The following COLEC11 variants were observed in gnomAD, a reference collection of about 807,000 sequenced individuals.
COLEC11 encodes collectin subfamily member 11, also known as collectin-11.
Under a neutral mutation model 27.3 loss-of-function variants are expected in COLEC11, and 20 were observed. That is an observed-to-expected ratio of 0.73 (90% CI 0.51 to 1.06). The LOEUF is 1.06. Among genes scored for constraint, COLEC11 ranks in the 50% least tolerant of loss-of-function variants. COLEC11 has a pLI of 0.00. For missense variants in COLEC11, 310 were observed against 383.0 expected (o/e 0.81, Z 1.59); for synonymous variants, 163 against 154.7 (o/e 1.05, Z -0.40).
intron 3 of COLEC11, among the ~76,000 whole-genome samples, chr2:3,634,836 C>A (rs1446267123): frequency 6.6e-6 from 1 of 151,904 alleles, no homozygotes; most frequent in East Asian, 2.0e-4. Context: ...GGGGGCCCTG[C>A]CCCTCCCTCT....
chr2:3,635,613 G>A (rs556565946), intron 3 of COLEC11, among the ~76,000 whole-genome samples: 1 of 152,280 alleles, frequency 6.6e-6, no homozygotes, highest in African/African-American at 2.4e-5. Flanking sequence ...CCGACTTACC[G>A]GCAAACCCTG....
At chr2:3,606,237 C>A in intron 2 of COLEC11, 1 of 1,550,398 alleles carries the variant, frequency 6.4e-7, no homozygotes, top group Non-Finnish European at 8.7e-7. Flanking sequence ...TCCCTGCGCC[C>A]TGCCAGGTCA....
chr2:3,641,109 A>G (rs1012995263), intron 5 of COLEC11: 8 of 541,090 alleles, frequency 1.5e-5, no homozygotes, highest in Admixed American at 2.4e-5. Context: ...CCCACGGTGG[A>G]CACCCACCCA....
intron 3 of COLEC11, among the ~76,000 whole-genome samples, chr2:3,636,536 C>T (rs1665429395): frequency 6.6e-6 from 1 of 152,200 alleles, no homozygotes; most frequent in South Asian, 2.1e-4. Context: ...TCATTTAGTT[C>T]CTGCAATGGT....
chr2:3,628,723 G>A (rs745695875), intron 3 of COLEC11, among the ~76,000 whole-genome samples: 2 of 152,248 alleles, frequency 1.3e-5, no homozygotes, highest in Non-Finnish European at 2.9e-5. Flanking sequence ...CACCGAGGAA[G>A]CTGAATTTCA....
intron 3 of COLEC11, among the ~76,000 whole-genome samples, chr2:3,615,214 A>G (rs543837587): frequency 1.1e-3 from 160 of 152,250 alleles, no homozygotes; most frequent in Non-Finnish European, 1.6e-3. Flanking sequence ...TCATAGGACA[A>G]CAGTGGAGGG....
chr2:3,610,198 C>T (rs1045228423), intron 2 of COLEC11, among the ~76,000 whole-genome samples: 8 of 152,224 alleles, frequency 5.3e-5, no homozygotes, highest in Non-Finnish European at 7.3e-5. Flanking sequence ...ACTTGATTCT[C>T]GTAGCTGTGT....
intron 3 of COLEC11, 35 bp downstream of exon 3, chr2:3,613,417 G>A: frequency 6.4e-7 from 1 of 1,559,676 alleles, no homozygotes; most frequent in Non-Finnish European, 8.7e-7. Flanking sequence ...TCAGAGCTCT[G>A]AGGATGGAGG....
chr2:3,604,383 G>C lies in COLEC11; in HGVS notation c.43G>C (p.Ala15Pro). The change falls in exon 2 of 7, where the codon GCC becomes CCC. Residue 15 changes from alanine to proline, a missense_variant. Coordinates refer to ENST00000349077, the MANE Select transcript of COLEC11 (RefSeq NM_024027.5). ...LALVGVLISLAFLSLLPSGHP... is the reference protein window; with the variant it reads ...LALVGVLISLPFLSLLPSGHP... ...CCTGGTGGGCGTTCTAATCAGCCTG[G>C]CCTTCCTGTCACTGCTGCCATCTGG... The C allele has an allele frequency of 6.2e-7, 1 of 1,614,198 alleles. No individual in the cohort carries two copies. The highest frequency in any genetic ancestry group is 1.3e-5 in the African/African-American group (1 of 75,048).
Position 3,595,148 on chromosome 2 carries a change from G to T in COLEC11, c.-47G>T. On this transcript the variant is annotated 5_prime_UTR_variant, in exon 1 of 7. Coordinates refer to ENST00000349077, the MANE Select transcript of COLEC11 (RefSeq NM_024027.5). ...GGGCCAGCGACGGGCAGGACGCCCC[G>T]TTCGCCTAGCGCGTGCTCAGGTAGG... The T allele has an allele frequency of 2.9e-6, 1 of 350,846 alleles. No homozygotes were observed. The highest frequency in any genetic ancestry group is 5.8e-6 in the Non-Finnish European group (1 of 173,800). 21.7% of individuals were successfully genotyped at this position (350,846 alleles called of 1,614,324 possible). A position where few individuals can be genotyped will look rare whatever the true frequency, so the allele number is the denominator to read the frequency against.
intron 2 of COLEC11, among the ~76,000 whole-genome samples, chr2:3,605,272 G>T (rs1320682757): frequency 6.6e-6 from 1 of 151,494 alleles, no homozygotes; most frequent in South Asian, 2.1e-4. Flanking sequence ...AGTCCAGGCC[G>T]CCGCTGAGGG....
intron 2 of COLEC11, 97 bp downstream of exon 2, chr2:3,604,567 C>T (rs1662489387): frequency 7.2e-7 from 1 of 1,394,116 alleles, no homozygotes; most frequent in African/African-American, 1.4e-5. Flanking sequence ...AAGCACAAAG[C>T]CCCAGCAAAT....
intron 2 of COLEC11, among the ~76,000 whole-genome samples, chr2:3,606,797 G>A (rs1210769520): frequency 6.6e-6 from 1 of 152,234 alleles, no homozygotes; most frequent in Non-Finnish European, 1.5e-5. Flanking sequence ...AGAAAATGGT[G>A]TGTGCCAGCA....
intron 3 of COLEC11, among the ~76,000 whole-genome samples, chr2:3,627,626 G>A (rs377318534): frequency 2.7e-5 from 4 of 148,890 alleles, no homozygotes; most frequent in East Asian, 4.0e-4. Flanking sequence ...GATGGGACAC[G>A]ATGATGGGGT....
At chr2:3,626,326 G>C (rs1459678925) in intron 3 of COLEC11, among the ~76,000 whole-genome samples, 1 of 152,224 alleles carries the variant, frequency 6.6e-6, no homozygotes, top group Non-Finnish European at 1.5e-5. Context: ...TGGGCTCGCT[G>C]GGCCTGTCTG....
intron 5 of COLEC11, among the ~76,000 whole-genome samples, chr2:3,640,996 C>T (rs1488350669): frequency 8.8e-6 from 1 of 113,952 alleles, no homozygotes; most frequent in Non-Finnish European, 1.8e-5. Context: ...CACCCACCCA[C>T]CATGTAGACC....
intron 3 of COLEC11, among the ~76,000 whole-genome samples, chr2:3,633,699 C>T (rs1366813057): frequency 6.6e-6 from 1 of 152,178 alleles, no homozygotes; most frequent in Non-Finnish European, 1.5e-5. Flanking sequence ...CTGTCCCAAC[C>T]TTCCTCCTGA....
In COLEC11 at chr2:3,644,500, T is replaced by A. The variant is rs1666125241; in HGVS notation, c.*382T>A. The A allele has an allele frequency of 6.3e-6, 3 of 472,850 alleles. No homozygotes were observed. The East Asian group carries it at 1.9e-4, about 30-fold the overall frequency. 29.3% of individuals were successfully genotyped at this position (472,850 alleles called of 1,614,324 possible). Reference sequence around the variant, plus strand: ...TTGAATTACTACCTTTTAATTTCTATATGGAAAAGAACTCACTTTGACCAA... The same window carrying A: ...TTGAATTACTACCTTTTAATTTCTAAATGGAAAAGAACTCACTTTGACCAA... On this transcript the variant is annotated 3_prime_UTR_variant, in exon 7 of 7. Coordinates refer to ENST00000349077, the MANE Select transcript of COLEC11 (RefSeq NM_024027.5).
chr2:3,625,369 C>T (rs1017130665), intron 3 of COLEC11, among the ~76,000 whole-genome samples: 5 of 152,190 alleles, frequency 3.3e-5, no homozygotes, highest in East Asian at 1.9e-4. Flanking sequence ...GCTGAGACAG[C>T]GTTCTTGGCT....
Sources: gnomAD v4.1 joint callset for allele counts (sites outside exome capture counted in the v4.1 genomes callset) on GRCh38, gnomAD v4.1.1 for gene constraint, MANE v1.5 for transcripts, NCBI Gene and HGNC (gene_info 2026-07-23, HGNC 2026-07-21) for gene names.